DENND5B: variants seen among roughly 807,000 people sequenced by gnomAD.
The protein encoded by DENND5B is DENN domain-containing protein 5B.
A neutral mutation model predicts 140.6 loss-of-function variants in DENND5B; 34 were observed. That is an observed-to-expected ratio of 0.24 (90% CI 0.18 to 0.32). The LOEUF (loss-of-function observed/expected upper bound fraction) is 0.32, where lower values mean the gene tolerates loss of function less well. Among genes scored for constraint, DENND5B ranks in the 10% least tolerant of loss-of-function variants. The pLI, the probability that DENND5B is intolerant of heterozygous loss-of-function variation, is 1.00. For synonymous variants in DENND5B, 551 were observed against 562.1 expected (o/e 0.98, Z 0.28); for missense variants, 1,142 against 1,560.2 (o/e 0.73, Z 4.52).
At chr12:31,499,691 C>CA (rs1946930240) in intron 1 of DENND5B, 2 of 1,427,096 alleles carry the variant, frequency 1.4e-6, no homozygotes, top group South Asian at 1.5e-5. Context: ...GTAACAGAAA[C>CA]AAAAAAGCTT....
At chr12:31,412,399 T>C (rs1942507463) in intron 13 of DENND5B, among the ~76,000 whole-genome samples, 1 of 152,216 alleles carries the variant, frequency 6.6e-6, no homozygotes, top group African/African-American at 2.4e-5. Context: ...TTCCCATGGC[T>C]GTCGCAGGGG....
chr12:31,507,033 T>C (rs917319341), intron 1 of DENND5B, among the ~76,000 whole-genome samples: 3 of 152,184 alleles, frequency 2.0e-5, no homozygotes, highest in Non-Finnish European at 2.9e-5. Flanking sequence ...CCCAACCACA[T>C]AGTTGGTCCT....
At chr12:31,557,664 T>C (rs1239206612) in intron 1 of DENND5B, among the ~76,000 whole-genome samples, 1 of 151,512 alleles carries the variant, frequency 6.6e-6, no homozygotes, top group Non-Finnish European at 1.5e-5. Flanking sequence ...GAATAGGAAG[T>C]TTAGCAATTG....
chr12:31,581,633 C>T (rs538001376), intron 1 of DENND5B, among the ~76,000 whole-genome samples: 44 of 142,674 alleles, frequency 3.1e-4, no homozygotes, highest in Admixed American at 9.0e-4. Flanking sequence ...GCGCTGGCTG[C>T]GGTGAGCCGA....
At chr12:31,549,410 ATAT>A (rs558086220) in intron 1 of DENND5B, among the ~76,000 whole-genome samples, 128 of 152,144 alleles carry the variant, frequency 8.4e-4, no homozygotes, top group African/African-American at 2.4e-3. Flanking sequence ...TCTGAAACAA[ATAT>A]TATTATTTTA....
intron 1 of DENND5B, among the ~76,000 whole-genome samples, chr12:31,572,380 G>A (rs1949856353): frequency 6.6e-6 from 1 of 152,092 alleles, no homozygotes. Context: ...TTCTGATGGT[G>A]CGTAAAACAG....
At chr12:31,537,356 C>A (rs561022944) in intron 1 of DENND5B, among the ~76,000 whole-genome samples, 6 of 152,210 alleles carry the variant, frequency 3.9e-5, no homozygotes, top group African/African-American at 1.4e-4. Flanking sequence ...TATTAGTTTT[C>A]TTTTTGCTTG....
intron 1 of DENND5B, among the ~76,000 whole-genome samples, chr12:31,531,453 C>G (rs1948278068): frequency 6.6e-6 from 1 of 152,196 alleles, no homozygotes; most frequent in Non-Finnish European, 1.5e-5. Flanking sequence ...GCCTCAGCCT[C>G]CCAAAGTGCT....
At chr12:31,426,842 G>C (rs1226782604) in intron 8 of DENND5B, 2 of 184,916 alleles carry the variant, frequency 1.1e-5, no homozygotes, top group Admixed American at 1.1e-4. Flanking sequence ...TCCCCATACA[G>C]TAAGACTTAA....
At chr12:31,394,774 C>T (rs1019081023) in intron 17 of DENND5B, among the ~76,000 whole-genome samples, 5 of 152,170 alleles carry the variant, frequency 3.3e-5, no homozygotes, top group South Asian at 2.1e-4. Flanking sequence ...CCACCATGCC[C>T]GGCTAATTTT....
intron 8 of DENND5B, chr12:31,432,144 C>T (rs1294447094): frequency 2.0e-6 from 2 of 984,706 alleles, no homozygotes; most frequent in South Asian, 4.7e-5. Context: ...ACCAAAAGTT[C>T]CCCGGAAGGC....
chr12:31,402,768 C>T (rs891725545), intron 14 of DENND5B, 125 bp from the exon 15 acceptor site: 58 of 1,165,252 alleles, frequency 5.0e-5, no homozygotes, highest in Non-Finnish European at 6.2e-5. Context: ...TCAAGATGTA[C>T]TTATACGAAA....
At chr12:31,431,344 A>C (rs1179911140) in intron 8 of DENND5B, among the ~76,000 whole-genome samples, 2 of 152,202 alleles carry the variant, frequency 1.3e-5, no homozygotes, top group African/African-American at 2.4e-5. Context: ...TAATGGGGGA[A>C]AACTATAAGC....
At chr12:31,471,014 C>T (rs539957610) in intron 3 of DENND5B, among the ~76,000 whole-genome samples, 2 of 152,214 alleles carry the variant, frequency 1.3e-5, no homozygotes, top group South Asian at 4.2e-4. Flanking sequence ...TAAGGAAATG[C>T]AAACCAACAG....
chr12:31,484,884 C>T (rs943703803), intron 2 of DENND5B, among the ~76,000 whole-genome samples: 4 of 152,120 alleles, frequency 2.6e-5, no homozygotes, highest in Admixed American at 6.5e-5. Context: ...ACAGCAACAA[C>T]GAACCATTTC....
At chr12:31,442,323 G>A (rs541379769) in intron 7 of DENND5B, among the ~76,000 whole-genome samples, 179 of 152,250 alleles carry the variant, frequency 1.2e-3, no homozygotes, top group Non-Finnish European at 2.2e-3. Context: ...AAGGGAGCGT[G>A]GCCCTGCCAA....
chr12:31,527,888 C>T (rs1285653240), intron 1 of DENND5B, among the ~76,000 whole-genome samples: 1 of 152,056 alleles, frequency 6.6e-6, no homozygotes, highest in Non-Finnish European at 1.5e-5. Flanking sequence ...TATGAGGAAA[C>T]AATCAGGTAA....
At chr12:31,516,794 T>C (rs1419790742) in intron 1 of DENND5B, among the ~76,000 whole-genome samples, 1 of 152,112 alleles carries the variant, frequency 6.6e-6, no homozygotes, top group Non-Finnish European at 1.5e-5. Context: ...AATTTCAGGC[T>C]GGGCCCTGTG....
At chr12:31,548,850 T>A (rs1241729391) in intron 1 of DENND5B, among the ~76,000 whole-genome samples, 1 of 152,164 alleles carries the variant, frequency 6.6e-6, no homozygotes, top group Non-Finnish European at 1.5e-5. Flanking sequence ...TGAAAACTGG[T>A]TCCTTTTGGC....
Sources: gnomAD v4.1 joint callset for allele counts (sites outside exome capture counted in the v4.1 genomes callset) on GRCh38, gnomAD v4.1.1 for gene constraint, MANE v1.5 for transcripts, NCBI Gene and HGNC (gene_info 2026-07-23, HGNC 2026-07-21) for gene names.